CASTOR2: variants seen among roughly 807,000 people sequenced by gnomAD.
CASTOR2 encodes GATS protein like 2.
Under a neutral mutation model 31.2 loss-of-function variants are expected in CASTOR2, and 8 were observed. That is an observed-to-expected ratio of 0.26 (90% confidence interval 0.15 to 0.46). The LOEUF (loss-of-function observed/expected upper bound fraction) is 0.46, where lower values mean the gene tolerates loss of function less well. CASTOR2 is among the 20% of genes least tolerant of loss of function. The probability of loss-of-function intolerance (pLI) is 0.99; values close to 1 mark genes in which losing one functional copy is unlikely to be tolerated. For synonymous variants in CASTOR2, 162 were observed against 158.7 expected (o/e 1.02, Z -0.16); for missense variants, 216 against 382.1 (o/e 0.57, Z 3.62).
At chr7:74,987,074 C>T (rs1410277473) in intron 1 of CASTOR2, among the ~76,000 whole-genome samples, 1 of 151,688 alleles carries the variant, frequency 6.6e-6, no homozygotes, top group Non-Finnish European at 1.5e-5. Context: ...TTAGGATCTT[C>T]CCCTGTGTTT....
intron 2 of CASTOR2, among the ~76,000 whole-genome samples, chr7:75,014,751 C>T (rs1360840003): frequency 4.6e-5 from 7 of 152,314 alleles, no homozygotes; most frequent in East Asian, 1.9e-4. Context: ...CCCACACCCA[C>T]GTTTCCAGCT....
chr7:75,019,127 G>T, intron 5 of CASTOR2, 32 bp downstream of exon 5: 2 of 1,551,748 alleles, frequency 1.3e-6, no homozygotes, highest in Non-Finnish European at 1.7e-6. Flanking sequence ...GGGGTTGCAG[G>T]GTGGGCCAGG....
chr7:75,001,592 A>G (rs1377727912), intron 1 of CASTOR2, among the ~76,000 whole-genome samples: 2 of 152,364 alleles, frequency 1.3e-5, no homozygotes, highest in African/African-American at 2.4e-5. Flanking sequence ...GGTTAAGTCA[A>G]GGTGATACCA....
chr7:74,989,486 A>G (rs1364299924), intron 1 of CASTOR2, among the ~76,000 whole-genome samples: 1 of 151,876 alleles, frequency 6.6e-6, no homozygotes, highest in African/African-American at 2.4e-5. Context: ...CAGTGGCGCA[A>G]TCATAGCTCA....
chr7:75,015,183 GC>G (rs1402573432), intron 2 of CASTOR2, among the ~76,000 whole-genome samples: 4 of 152,190 alleles, frequency 2.6e-5, no homozygotes, highest in Non-Finnish European at 5.9e-5. Context: ...CATCTTGCCT[GC>G]CAGCAGAGCC....
intron 7 of CASTOR2, among the ~76,000 whole-genome samples, 185 bp downstream of exon 7, chr7:75,022,141 T>C (rs1372825884): frequency 2.6e-5 from 4 of 152,210 alleles, no homozygotes; most frequent in African/African-American, 9.6e-5. Context: ...CTTGGGGAAG[T>C]GCGGAGCAGG....
chr7:74,984,858 A>G (rs1469704018), intron 1 of CASTOR2, among the ~76,000 whole-genome samples: 2 of 152,144 alleles, frequency 1.3e-5, no homozygotes, highest in African/African-American at 2.4e-5. Flanking sequence ...CCACTTGGGC[A>G]CAGTGGCTCA....
intron 1 of CASTOR2, 82 bp from the exon 2 acceptor site, chr7:75,007,912 C>T (rs1804641317): frequency 1.9e-6 from 3 of 1,606,048 alleles, no homozygotes; most frequent in Non-Finnish European, 2.6e-6. Context: ...ACTGAGTCAT[C>T]ATCCCCAGGG....
chr7:75,005,606 C>T (rs1397199008), intron 1 of CASTOR2, among the ~76,000 whole-genome samples: 1 of 152,188 alleles, frequency 6.6e-6, no homozygotes, highest in African/African-American at 2.4e-5. Flanking sequence ...GCACCTAAGT[C>T]TTTGTGCGGG....
chr7:74,979,247 GAT>G (rs1276344510), intron 1 of CASTOR2, among the ~76,000 whole-genome samples: 1 of 144,422 alleles, frequency 6.9e-6, no homozygotes, highest in Admixed American at 7.0e-5. Context: ...TTGTTACATG[GAT>G]ATATGGCATA....
intron 1 of CASTOR2, among the ~76,000 whole-genome samples, chr7:74,983,578 G>A (rs587626690): frequency 1.3e-5 from 2 of 151,604 alleles, no homozygotes; most frequent in African/African-American, 4.9e-5. Flanking sequence ...CAGGTCCAGA[G>A]TGTGGGGTTG....
Position 75,024,518 on chromosome 7 carries a change from A to G in CASTOR2, c.908A>G (p.Lys303Arg). ...CCAGCCTACTACATCAGTACTTTCA[A>G]GTTTGATCATGCACTTGTGAGTGTC... The part of the protein sequence containing the change: ...DIPAYYISTF[K>R]FDHALVPEEN... The change falls in exon 8 of 9, where the codon AAG becomes AGG. Residue 303 changes from lysine (K) to arginine (R), a missense_variant. Transcript: ENST00000616305. 3 of 1,551,524 alleles carry G rather than the reference A, an allele frequency of 1.9e-6. No individual in the cohort carries two copies. Among genetic ancestry groups the G allele is most frequent in the Non-Finnish European group, 2.6e-6 (3 of 1,146,854 alleles).
intron 1 of CASTOR2, among the ~76,000 whole-genome samples, chr7:74,994,007 G>C (rs1172620072): frequency 1.3e-5 from 2 of 152,226 alleles, no homozygotes; most frequent in Non-Finnish European, 2.9e-5. Context: ...CGCCCAGGAT[G>C]CCCGGGGAGA....
At chr7:74,965,865 C>CAT (rs1167987278) in intron 1 of CASTOR2, among the ~76,000 whole-genome samples, 3 of 19,620 alleles carry the variant, frequency 1.5e-4, no homozygotes, top group African/African-American at 2.6e-4. Flanking sequence ...CACACACACA[C>CAT]ACACACACAC....
intron 1 of CASTOR2, 79 bp from the exon 2 acceptor site, chr7:75,007,915 C>T: frequency 1.2e-6 from 2 of 1,608,392 alleles, no homozygotes; most frequent in Non-Finnish European, 1.7e-6. Context: ...GAGTCATCAT[C>T]CCCAGGGCAC....
chr7:74,970,466 A>AGCTTCCAGC (rs1803654709), intron 1 of CASTOR2, among the ~76,000 whole-genome samples: 1 of 101,868 alleles, frequency 9.8e-6, no homozygotes, highest in African/African-American at 3.3e-5. Context: ...CTCACCTCGA[A>AGCTTCCAGC]GCTTCCAGCC....
At chr7:74,989,442 G>T (rs1804152465) in intron 1 of CASTOR2, among the ~76,000 whole-genome samples, 1 of 151,876 alleles carries the variant, frequency 6.6e-6, no homozygotes, top group East Asian at 1.9e-4. Flanking sequence ...TTGTTTTTGA[G>T]ATGGAGTCTC....
At chr7:74,996,715 CTTTTTTTTTTTTTTTT>C (rs1179122101) in intron 1 of CASTOR2, among the ~76,000 whole-genome samples, 1 of 40,766 alleles carries the variant, frequency 2.5e-5, no homozygotes, top group African/African-American at 9.9e-5. Flanking sequence ...ATGCCTGGTG[CTTTTTTTTTTTTTTTT>C]TTTTTTTTTT....
At chr7:74,995,293 G>C (rs1554437804) in intron 1 of CASTOR2, among the ~76,000 whole-genome samples, 1 of 151,858 alleles carries the variant, frequency 6.6e-6, no homozygotes, top group Admixed American at 6.6e-5. Flanking sequence ...GGAGGTGCTT[G>C]GGAGAGTCAT....
Sources: allele counts gnomAD v4.1 joint callset (sites outside exome capture counted in the v4.1 genomes callset), GRCh38; gene constraint gnomAD v4.1.1; transcripts MANE v1.5; gene names NCBI Gene and HGNC (gene_info 2026-07-23, HGNC 2026-07-21).